Variants in STON2 observed in about 807,000 individuals in gnomAD.
STON2 encodes stonin 2, also known as stonin-2.
Under a neutral mutation model 65.7 loss-of-function variants are expected in STON2, and 29 were observed. The ratio of observed to expected loss-of-function variants is 0.44; its 90% CI spans 0.33 to 0.60. The LOEUF is 0.60. STON2 is among the 20% of genes least tolerant of loss of function. STON2 has a pLI of 0.03. For synonymous variants in STON2, 404 were observed against 414.2 expected (o/e 0.98, Z 0.30); for missense variants, 1,054 against 1,118.1 (o/e 0.94, Z 0.82).
chr14:81,286,256 T>C (rs1595294720), intron 5 of STON2, among the ~76,000 whole-genome samples: 1 of 152,224 alleles, frequency 6.6e-6, no homozygotes, highest in East Asian at 1.9e-4. Context: ...TGACTCCAAT[T>C]CTGAAAGATG....
intron 3 of STON2, among the ~76,000 whole-genome samples, chr14:81,381,076 T>C (rs995382123): frequency 1.3e-5 from 2 of 152,164 alleles, no homozygotes; most frequent in African/African-American, 2.4e-5. Flanking sequence ...GAGTAATATA[T>C]TTATAAGTAT....
chr14:81,410,886 G>T (rs1901123193), intron 2 of STON2, among the ~76,000 whole-genome samples: 1 of 152,208 alleles, frequency 6.6e-6, no homozygotes, highest in African/African-American at 2.4e-5. Context: ...ATAAGGGACT[G>T]AACTTCAACT....
intron 5 of STON2, among the ~76,000 whole-genome samples, chr14:81,308,786 A>G: frequency 5.8e-5 from 1 of 17,180 alleles, no homozygotes; most frequent in Middle Eastern, 0.022. Flanking sequence ...TTACCCATAT[A>G]TATATATATA....
chr14:81,399,054 G>A (rs1309770681), intron 1 of STON2, among the ~76,000 whole-genome samples: 1 of 152,166 alleles, frequency 6.6e-6, no homozygotes, highest in Non-Finnish European at 1.5e-5. Flanking sequence ...TCTCCAGATG[G>A]TATCTCCAAG....
chr14:81,347,615 T>TAAAAAAAAAAA (rs55784716), intron 4 of STON2, among the ~76,000 whole-genome samples: 2 of 72,622 alleles, frequency 2.8e-5, no homozygotes, highest in Non-Finnish European at 5.0e-5. Context: ...AAGAAGACAG[T>TAAAAAAAAAAA]AAAAAAAAAA....
intron 2 of STON2, among the ~76,000 whole-genome samples, chr14:81,415,983 G>C (rs1901412664): frequency 6.6e-6 from 1 of 152,158 alleles, no homozygotes; most frequent in Non-Finnish European, 1.5e-5. Flanking sequence ...CAGAAGCAGG[G>C]TGTGGGGAGC....
At chr14:81,377,564 C>T (rs77698268) in intron 3 of STON2, among the ~76,000 whole-genome samples, 2,023 of 152,192 alleles carry the variant, frequency 0.013, 52 homozygotes, top group African/African-American at 0.046. Flanking sequence ...GGTAATTGCA[C>T]GTTTAGTTTT....
intron 2 of STON2, among the ~76,000 whole-genome samples, chr14:81,411,711 C>T (rs1415341747): frequency 2.0e-5 from 3 of 152,070 alleles, no homozygotes; most frequent in Non-Finnish European, 2.9e-5. Flanking sequence ...AGTGAAACTC[C>T]GCCTAAAAAA....
intron 5 of STON2, among the ~76,000 whole-genome samples, chr14:81,292,545 G>A (rs112905830): frequency 2.2e-4 from 33 of 152,212 alleles, no homozygotes; most frequent in African/African-American, 7.0e-4. Flanking sequence ...GTTTTATAAG[G>A]GGTTTTGCCC....
rs1897912154 is a variant in STON2 at position 81,348,763 on chromosome 14, G to A, written c.571+22225C>T. Among the ~76,000 whole-genome samples, 6 of 151,930 alleles carry A rather than the reference G, an allele frequency of 3.9e-5. No homozygotes were observed. In the South Asian group the frequency reaches 1.0e-3, roughly 26 times the overall value. Reference sequence around the variant, plus strand: ...GAAAAAACGATCCTAAAATTCATACGAATCCACAAAGGAGCTCAAATATCC... The same window carrying A: ...GAAAAAACGATCCTAAAATTCATACAAATCCACAAAGGAGCTCAAATATCC... On this transcript the variant is annotated intron_variant, in intron 4 of 7. Transcript: ENST00000614646.
At chr14:81,283,371 A>G (rs187260243) in intron 5 of STON2, among the ~76,000 whole-genome samples, 4 of 152,322 alleles carry the variant, frequency 2.6e-5, no homozygotes, top group Admixed American at 1.3e-4. Flanking sequence ...ATTTGTAAAA[A>G]AACCATATTG....
intron 4 of STON2, among the ~76,000 whole-genome samples, chr14:81,353,957 A>G (rs1226653659): frequency 6.6e-6 from 1 of 152,236 alleles, no homozygotes; most frequent in South Asian, 2.1e-4. Context: ...CCAGCCTCAG[A>G]GCCCACCCCA....
chr14:81,332,186 C>A (rs1450094953), intron 4 of STON2, among the ~76,000 whole-genome samples: 1 of 152,144 alleles, frequency 6.6e-6, no homozygotes. Context: ...CACAGATGGG[C>A]ACTTTTCGGG....
intron 4 of STON2, among the ~76,000 whole-genome samples, chr14:81,369,881 C>T (rs1566930611): frequency 6.6e-6 from 1 of 152,174 alleles, no homozygotes. Flanking sequence ...GAGATGCCCC[C>T]ACTGTGGAAA....
intron 4 of STON2, among the ~76,000 whole-genome samples, chr14:81,344,158 G>A (rs1255921543): frequency 2.0e-5 from 3 of 151,922 alleles, no homozygotes; most frequent in Non-Finnish European, 1.5e-5. Context: ...TATCATAAAA[G>A]AAATTTAAAA....
rs140803237 is a variant in STON2 at position 81,405,925 on chromosome 14, G to C, written c.-198-7345C>G. Among the ~76,000 whole-genome samples the C allele has an allele frequency of 8.0e-3, 1,212 of 152,328 alleles. 14 individuals carry two copies. The highest frequency in any genetic ancestry group is 0.027 in the African/African-American group (1,135 of 41,566). ...AATCTGGGTGGGTACCATCTAATCAGTAGCTAGTGTGGCTAGAATAAAGCA... is the reference window on the plus strand; with the variant it reads ...AATCTGGGTGGGTACCATCTAATCACTAGCTAGTGTGGCTAGAATAAAGCA... On this transcript the variant is annotated intron_variant, in intron 2 of 8. Coordinates refer to the STON2 transcript ENST00000553821.
In STON2 at chr14:81,262,463, TCTTA is replaced by T; in HGVS notation, c.*5947_*5950del. ...TGCAATCTTTATTTTTCCTGGAGCT[TCTTA>T]CTTTTAACTTTAAGAGATGGCTTCT... On this transcript the variant is annotated 3_prime_UTR_variant, in exon 8 of 8. Coordinates refer to ENST00000614646, the MANE Select transcript of STON2 (RefSeq NM_001394390.1). The T allele has an allele frequency of 2.0e-6, 2 of 985,344 alleles. No homozygotes were observed. The highest frequency in any genetic ancestry group is 9.4e-5 in the South Asian group (2 of 21,292). The allele number at this position is 985,344 out of a possible 1,614,324, so 61.0% of individuals were successfully genotyped here. A position where few individuals can be genotyped will look rare whatever the true frequency, so the allele number is the denominator to read the frequency against.
intron 1 of STON2, among the ~76,000 whole-genome samples, chr14:81,432,261 T>C (rs773393499): frequency 1.3e-5 from 2 of 152,158 alleles, no homozygotes; most frequent in East Asian, 1.9e-4. Context: ...CTCCTTTACG[T>C]CCATTTCTGG....
rs147289522 is a variant in STON2, at chr14:81,306,341, T to C, written c.742+17676A>G. ...ACCTCCCGGGTTCAAGTGATTCTCG[T>C]GTCTCAGCCTCTGAGCAGATGGGAC... On this transcript the variant is annotated intron_variant, in intron 5 of 7. Transcript: ENST00000614646. Among the ~76,000 whole-genome samples, 355 of 149,144 alleles carry C rather than the reference T, an allele frequency of 2.4e-3. 1 individual carries two copies. Among genetic ancestry groups the C allele is most frequent in the African/African-American group, 7.9e-3 (320 of 40,536 alleles).
Sources: gnomAD v4.1 joint callset for allele counts (sites outside exome capture counted in the v4.1 genomes callset) on GRCh38, gnomAD v4.1.1 for gene constraint, MANE v1.5 for transcripts, NCBI Gene and HGNC (gene_info 2026-07-23, HGNC 2026-07-21) for gene names.